The following CCNJL variants were observed in gnomAD, a reference collection of about 807,000 sequenced individuals.
The protein encoded by CCNJL is cyclin J like.
A neutral mutation model predicts 33.4 loss-of-function variants in CCNJL; 33 were observed. That is an observed-to-expected ratio of 0.99 (90% CI 0.75 to 1.32). The LOEUF (loss-of-function observed/expected upper bound fraction) is 1.32. Ranked by LOEUF, CCNJL falls within the 40% of genes most tolerant of loss-of-function variation. The pLI is 0.00. For synonymous variants in CCNJL, 227 were observed against 220.9 expected (o/e 1.03, Z -0.24); for missense variants, 512 against 499.7 (o/e 1.02, Z -0.23).
At chr5:160,294,047 C>A (rs887423845) in intron 2 of CCNJL, among the ~76,000 whole-genome samples, 6 of 152,062 alleles carry the variant, frequency 3.9e-5, no homozygotes, top group African/African-American at 1.2e-4. Flanking sequence ...AACAAAGAAC[C>A]GCAGAGAGGT....
intron 1 of CCNJL, chr5:160,327,069 A>G (rs113389649): frequency 7.9e-4 from 272 of 342,790 alleles, no homozygotes; most frequent in African/African-American, 5.4e-3. Flanking sequence ...TGTTTTGATT[A>G]CCCTTATGTT....
intron 3 of CCNJL, among the ~76,000 whole-genome samples, chr5:160,272,777 C>G (rs566259937): frequency 1.7e-4 from 26 of 152,268 alleles, no homozygotes; most frequent in Non-Finnish European, 2.4e-4. Flanking sequence ...CAATTTGGCA[C>G]TACTTATCAA....
chr5:160,331,102 G>A (rs370877506), intron 1 of CCNJL, among the ~76,000 whole-genome samples: 3 of 151,970 alleles, frequency 2.0e-5, no homozygotes, highest in African/African-American at 4.8e-5. Context: ...TGGTCTCAGC[G>A]TCCAATAACT....
chr5:160,264,219 C>T (rs1399291292), intron 3 of CCNJL, among the ~76,000 whole-genome samples: 1 of 152,184 alleles, frequency 6.6e-6, no homozygotes, highest in Non-Finnish European at 1.5e-5. Flanking sequence ...GCCACTGTGC[C>T]TAGTCACTAT....
chr5:160,280,720 A>C lies in CCNJL; in HGVS notation c.85T>G (p.Phe29Val). The C allele has an allele frequency of 6.2e-7, 1 of 1,607,086 alleles. No individual in the cohort carries two copies. The highest frequency in any genetic ancestry group is 8.5e-7 in the Non-Finnish European group (1 of 1,176,954). ...TTCAGGAGTGGGGAGTGGGCTCGGA[A>C]GGTGGGCAGCTTCAGTTCCTGGAGG... The part of the protein sequence containing the change: ...LREKELKLPT[F>V]RAHSPLLKSR... The change falls in exon 3 of 6, where the codon TTC (phenylalanine) becomes GTC (valine). Residue 29 changes from phenylalanine (F) to valine (V), a missense_variant. Coordinates refer to ENST00000257536, the MANE Select transcript of CCNJL (RefSeq NM_001308173.3).
At chr5:160,286,037 C>T (rs902049889) in intron 2 of CCNJL, among the ~76,000 whole-genome samples, 2 of 152,202 alleles carry the variant, frequency 1.3e-5, no homozygotes, top group African/African-American at 2.4e-5. Context: ...CAAGCAGCAG[C>T]CACAGTCATA....
At position 160,281,892 on chromosome 5, in the gene CCNJL, C is replaced by T. The variant is rs539146788; in HGVS notation, c.67-1154G>A. Among the ~76,000 whole-genome samples the T allele has an allele frequency of 4.6e-5, 7 of 152,186 alleles. No individual in the cohort carries two copies. In the South Asian group the frequency reaches 6.2e-4, roughly 14 times the overall value. On this transcript the variant is annotated intron_variant, in intron 2 of 5. Transcript: ENST00000257536. The stretch of plus-strand genomic sequence containing the variant: ...ATGGTCTCAAACTCCTGACCTCAAG[C>T]GATCCTTCCCACCTTGGCCTCCTAA...
At chr5:160,336,881 G>A (rs1763688771) in intron 1 of CCNJL, among the ~76,000 whole-genome samples, 2 of 151,826 alleles carry the variant, frequency 1.3e-5, no homozygotes, top group African/African-American at 4.8e-5. Context: ...CTCCAAAGAC[G>A]GCCAAAATTA....
At chr5:160,257,727 T>C (rs1170449235) in intron 4 of CCNJL, among the ~76,000 whole-genome samples, 1 of 152,110 alleles carries the variant, frequency 6.6e-6, no homozygotes, top group Admixed American at 6.6e-5. Flanking sequence ...ATATGATTAA[T>C]GGAGGTGATT....
intron 2 of CCNJL, among the ~76,000 whole-genome samples, chr5:160,282,993 A>ATATG (rs1459807779): frequency 1.7e-5 from 1 of 59,376 alleles, no homozygotes; most frequent in Non-Finnish European, 3.0e-5. Flanking sequence ...ATATATATAT[A>ATATG]TATATATATA....
chr5:160,263,879 T>A (rs986198474), intron 3 of CCNJL, among the ~76,000 whole-genome samples: 3 of 151,952 alleles, frequency 2.0e-5, no homozygotes, highest in Non-Finnish European at 2.9e-5. Context: ...TATCATTCCA[T>A]CTACATTTTT....
chr5:160,260,898 C>T (rs1761300326), intron 3 of CCNJL, among the ~76,000 whole-genome samples: 1 of 152,182 alleles, frequency 6.6e-6, no homozygotes, highest in African/African-American at 2.4e-5. Flanking sequence ...ACGACTCCCA[C>T]ATCAGGTGGT....
chr5:160,333,607 T>C (rs1468533897), intron 1 of CCNJL, among the ~76,000 whole-genome samples: 1 of 143,536 alleles, frequency 7.0e-6, no homozygotes, highest in African/African-American at 2.7e-5. Context: ...AAAAAAAAAA[T>C]CCCTTTCTAT....
chr5:160,255,738 T>C (rs1761035861), intron 4 of CCNJL, 30 bp from the exon 5 acceptor site: 1 of 1,605,284 alleles, frequency 6.2e-7, no homozygotes, highest in South Asian at 1.1e-5. Flanking sequence ...GGAGTCAGCA[T>C]CCAAATCCTC....
At chr5:160,305,786 C>T (rs1172096604) in intron 2 of CCNJL, among the ~76,000 whole-genome samples, 2 of 152,182 alleles carry the variant, frequency 1.3e-5, no homozygotes, top group East Asian at 3.8e-4. Context: ...TTAATCCTAA[C>T]ACTAGGGCCA....
At chr5:160,335,351 C>T (rs1763669299) in intron 1 of CCNJL, among the ~76,000 whole-genome samples, 3 of 152,014 alleles carry the variant, frequency 2.0e-5, no homozygotes, top group Non-Finnish European at 4.4e-5. Context: ...TTTTTATGTA[C>T]CTGGATATAT....
intron 2 of CCNJL, among the ~76,000 whole-genome samples, chr5:160,310,124 A>G (rs1012908771): frequency 2.0e-5 from 3 of 152,212 alleles, no homozygotes; most frequent in African/African-American, 4.8e-5. Flanking sequence ...CTCCTAAGCT[A>G]TGAGCAGAAA....
At chr5:160,306,644 G>C (rs1455029759) in intron 2 of CCNJL, among the ~76,000 whole-genome samples, 2 of 152,222 alleles carry the variant, frequency 1.3e-5, no homozygotes, top group African/African-American at 4.8e-5. Context: ...TTAAGTCACA[G>C]TGGTGTGTGT....
At chr5:160,276,860 T>C (rs1004701175) in intron 3 of CCNJL, among the ~76,000 whole-genome samples, 6 of 152,272 alleles carry the variant, frequency 3.9e-5, no homozygotes, top group African/African-American at 1.4e-4. Flanking sequence ...CTCAGCTCAC[T>C]GTAACCTCTG....
Sources: allele counts gnomAD v4.1 joint callset (sites outside exome capture counted in the v4.1 genomes callset), GRCh38; gene constraint gnomAD v4.1.1; transcripts MANE v1.5; gene names NCBI Gene and HGNC (gene_info 2026-07-23, HGNC 2026-07-21).